CSMD1: variants seen among roughly 807,000 people sequenced by gnomAD.
The protein encoded by CSMD1 is CUB and Sushi multiple domains 1.
CSMD1 carries 213 observed loss-of-function variants against 417.5 expected under a neutral mutation model. The observed-to-expected ratio is 0.51, with a 90% CI of 0.46 to 0.57. The LOEUF (loss-of-function observed/expected upper bound fraction) is 0.57. Among genes scored for constraint, CSMD1 ranks in the 20% least tolerant of loss-of-function variants. CSMD1 has a pLI of 0.00. For synonymous variants in CSMD1, 2,862 were observed against 1,736.8 expected (o/e 1.65, Z -16.11); for missense variants, 6,923 against 4,529.7 (o/e 1.53, Z -15.17).
chr8:3,582,511 T>G (rs971210773), intron 9 of CSMD1, among the ~76,000 whole-genome samples: 1 of 152,130 alleles, frequency 6.6e-6, no homozygotes, highest in Non-Finnish European at 1.5e-5. Flanking sequence ...TCTTCACAAC[T>G]ACAAGGGTGT....
intron 1 of CSMD1, among the ~76,000 whole-genome samples, chr8:4,969,049 C>T (rs560512824): frequency 6.6e-6 from 1 of 152,150 alleles, no homozygotes; most frequent in Admixed American, 6.6e-5. Context: ...CAGAATTCAT[C>T]CTGAATGCCA....
intron 4 of CSMD1, among the ~76,000 whole-genome samples, chr8:4,027,160 C>G (rs1164096614): frequency 6.6e-6 from 1 of 152,086 alleles, no homozygotes; most frequent in African/African-American, 2.4e-5. Flanking sequence ...TGGAATTGCA[C>G]CATTTAGTTA....
At chr8:3,427,038 C>T (rs911950059) in intron 12 of CSMD1, among the ~76,000 whole-genome samples, 6 of 152,126 alleles carry the variant, frequency 3.9e-5, no homozygotes, top group Non-Finnish European at 7.3e-5. Flanking sequence ...AAAACCAACA[C>T]ATCTCATGAG....
chr8:4,172,861 C>T (rs551222856), intron 3 of CSMD1, among the ~76,000 whole-genome samples: 70 of 152,138 alleles, frequency 4.6e-4, no homozygotes, highest in African/African-American at 1.5e-3. Flanking sequence ...CAGCCGTGTG[C>T]GTAGGCATAA....
intron 3 of CSMD1, among the ~76,000 whole-genome samples, chr8:4,276,193 T>C (rs1189746034): frequency 6.6e-6 from 1 of 152,078 alleles, no homozygotes; most frequent in Non-Finnish European, 1.5e-5. Flanking sequence ...GCAGCACTGT[T>C]CACAATAGCA....
intron 3 of CSMD1, among the ~76,000 whole-genome samples, chr8:4,268,945 T>C (rs1804397313): frequency 6.6e-6 from 1 of 152,238 alleles, no homozygotes; most frequent in Non-Finnish European, 1.5e-5. Flanking sequence ...AATTACTTTC[T>C]CATTCTGCTG....
At chr8:4,455,706 C>G (rs1004377428) in intron 2 of CSMD1, among the ~76,000 whole-genome samples, 28 of 151,590 alleles carry the variant, frequency 1.8e-4, no homozygotes, top group African/African-American at 6.5e-4. Context: ...CGAAGCGGGT[C>G]GATCACCTGA....
intron 1 of CSMD1, among the ~76,000 whole-genome samples, chr8:4,795,252 C>CTTTTT (rs571984359): frequency 2.2e-5 from 1 of 46,226 alleles, no homozygotes; most frequent in Non-Finnish European, 4.2e-5. Flanking sequence ...GGTGTCATAG[C>CTTTTT]TTTTTTTTTT....
rs1333101047 is a variant in CSMD1, at chr8:3,405,539, G to A, written c.2266+488C>T. Among the ~76,000 whole-genome samples, 5 of 152,182 alleles carry A rather than the reference G, an allele frequency of 3.3e-5. No individual in the cohort carries two copies. In the East Asian group the frequency reaches 5.8e-4, roughly 18 times the overall value. Reference sequence around the variant, plus strand: ...ATACATTGAGGTCCTAACCCTCAGCGCCTCAGATGGTGACTGTATTTGAAG... The same window carrying A: ...ATACATTGAGGTCCTAACCCTCAGCACCTCAGATGGTGACTGTATTTGAAG... On this transcript the variant is annotated intron_variant, in intron 15 of 69. Transcript: ENST00000635120.
At chr8:3,251,005 T>G (rs922234492) in intron 26 of CSMD1, among the ~76,000 whole-genome samples, 1 of 152,144 alleles carries the variant, frequency 6.6e-6, no homozygotes, top group African/African-American at 2.4e-5. Context: ...TTCTCCCATT[T>G]TGTAGGTTGC....
At chr8:4,746,589 A>G (rs1810969228) in intron 1 of CSMD1, among the ~76,000 whole-genome samples, 1 of 152,202 alleles carries the variant, frequency 6.6e-6, no homozygotes, top group African/African-American at 2.4e-5. Flanking sequence ...GATCTATTCT[A>G]GCGAGCATGC....
chr8:4,601,014 C>T (rs1025461826), intron 2 of CSMD1, among the ~76,000 whole-genome samples: 4 of 145,080 alleles, frequency 2.8e-5, no homozygotes, highest in Non-Finnish European at 4.5e-5. Flanking sequence ...TGGAGTGCAA[C>T]GGTGCCATCT....
At chr8:4,213,827 G>A (rs551278698) in intron 3 of CSMD1, among the ~76,000 whole-genome samples, 1 of 152,186 alleles carries the variant, frequency 6.6e-6, no homozygotes, top group Non-Finnish European at 1.5e-5. Context: ...TAAGAAAAGA[G>A]ACAGTTATTG....
intron 3 of CSMD1, among the ~76,000 whole-genome samples, chr8:4,059,646 C>G (rs1329316467): frequency 6.6e-6 from 1 of 152,146 alleles, no homozygotes; most frequent in Non-Finnish European, 1.5e-5. Context: ...AAACTGCCAT[C>G]AGAGAATACT....
intron 22 of CSMD1, among the ~76,000 whole-genome samples, chr8:3,343,942 C>G (rs1563292261): frequency 6.6e-6 from 1 of 152,184 alleles, no homozygotes; most frequent in East Asian, 1.9e-4. Flanking sequence ...TTGTCACATT[C>G]TGTAGTCTGC....
intron 2 of CSMD1, among the ~76,000 whole-genome samples, chr8:4,422,926 T>C (rs189121180): frequency 4.0e-4 from 61 of 151,970 alleles, no homozygotes; most frequent in African/African-American, 1.4e-3. Context: ...CAAAGTAAAA[T>C]CACAAGATCA....
chr8:3,615,673 C>A (rs565803251), intron 8 of CSMD1, among the ~76,000 whole-genome samples: 2 of 152,234 alleles, frequency 1.3e-5, no homozygotes, highest in Non-Finnish European at 2.9e-5. Flanking sequence ...AACTAAAAAA[C>A]ATTCCTTCTT....
At chr8:4,318,044 T>C (rs940594909) in intron 3 of CSMD1, among the ~76,000 whole-genome samples, 9 of 152,128 alleles carry the variant, frequency 5.9e-5, no homozygotes, top group Non-Finnish European at 1.0e-4. Context: ...ATATATAAAA[T>C]TGTGCGTTCG....
intron 5 of CSMD1, among the ~76,000 whole-genome samples, chr8:3,969,598 G>T (rs150719253): frequency 6.6e-6 from 1 of 151,938 alleles, no homozygotes; most frequent in Non-Finnish European, 1.5e-5. Context: ...TCATTCCATC[G>T]TAACTTGACA....
Sources: gnomAD v4.1 joint callset for allele counts (sites outside exome capture counted in the v4.1 genomes callset) on GRCh38, gnomAD v4.1.1 for gene constraint, MANE v1.5 for transcripts, NCBI Gene and HGNC (gene_info 2026-07-23, HGNC 2026-07-21) for gene names.